The following FGF14 variants were observed in gnomAD, a reference collection of about 807,000 sequenced individuals.
The protein encoded by FGF14 is fibroblast growth factor homologous factor 4.
Under a neutral mutation model 25.5 loss-of-function variants are expected in FGF14, and 5 were observed. That is an observed-to-expected ratio of 0.20 (90% CI 0.10 to 0.41). The LOEUF is 0.41. Among genes scored for constraint, FGF14 ranks in the 10% least tolerant of loss-of-function variants. The pLI, the probability that FGF14 is intolerant of heterozygous loss-of-function variation, is 1.00. For missense variants in FGF14, 222 were observed against 320.1 expected (o/e 0.69, Z 2.34); for synonymous variants, 138 against 118.3 (o/e 1.17, Z -1.08).
Position 101,717,927 on chromosome 13 carries a change from T to C in FGF14, c.*4904A>G, listed in dbSNP as rs1468404153. The stretch of plus-strand genomic sequence containing the variant: ...ACAACAACTACAACAAAAGTGCTGC[T>C]CTTTTTCATAGTCTCATGTAAGAAG... On this transcript the variant is annotated 3_prime_UTR_variant, in exon 5 of 5. Coordinates refer to ENST00000376143, the MANE Select transcript of FGF14 (RefSeq NM_004115.4). 2 of 152,148 alleles carry C rather than the reference T, an allele frequency of 1.3e-5. No homozygotes were observed. The highest frequency in any genetic ancestry group is 4.8e-5 in the African/African-American group (2 of 41,438). 9.4% of individuals were successfully genotyped at this position (152,148 alleles called of 1,614,324 possible).
chr13:101,988,999 T>C (rs1238362536), intron 1 of FGF14, among the ~76,000 whole-genome samples: 2 of 152,064 alleles, frequency 1.3e-5, no homozygotes, highest in Non-Finnish European at 2.9e-5. Flanking sequence ...TCTGGAGGTG[T>C]CACAGTGAAT....
chr13:101,747,923 C>A (rs1283040883), intron 3 of FGF14, among the ~76,000 whole-genome samples: 1 of 152,016 alleles, frequency 6.6e-6, no homozygotes, highest in African/African-American at 2.4e-5. Context: ...GAGATATCAT[C>A]TTGCACCAGA....
In FGF14 at chr13:101,835,641, A is replaced by T. The variant is rs576176813; in HGVS notation, c.408+33084T>A. 1.7e-4 allele frequency among the ~76,000 whole-genome samples: 26 copies of T among 152,096 alleles called. 1 individual carries two copies. The highest frequency in any genetic ancestry group is 6.0e-4 in the African/African-American group (25 of 41,540). On this transcript the variant is annotated intron_variant, in intron 3 of 4. Transcript: ENST00000376143. The stretch of plus-strand genomic sequence containing the variant: ...TAACCCCCCTAAACAGGACATGTGG[A>T]GGGTCTGAGAAACCAGCTCTGCTCA...
At chr13:101,774,081 T>C (rs555143854) in intron 3 of FGF14, among the ~76,000 whole-genome samples, 3 of 152,176 alleles carry the variant, frequency 2.0e-5, no homozygotes, top group African/African-American at 7.2e-5. Context: ...TCCAAAGTGC[T>C]GTGGTAACAT....
intron 1 of FGF14, among the ~76,000 whole-genome samples, chr13:101,978,698 T>C (rs2139594022): frequency 6.6e-6 from 1 of 152,286 alleles, no homozygotes; most frequent in South Asian, 2.1e-4. Flanking sequence ...CAATGATAAT[T>C]CCAGTAAATG....
intron 1 of FGF14, among the ~76,000 whole-genome samples, chr13:102,121,581 A>G (rs553931924): frequency 9.6e-4 from 147 of 152,332 alleles, no homozygotes; most frequent in Non-Finnish European, 1.6e-3. Flanking sequence ...TTTGTTGCCA[A>G]TAACTATGTG....
At chr13:101,869,377 G>C (rs2044915581) in intron 2 of FGF14, among the ~76,000 whole-genome samples, 1 of 152,142 alleles carries the variant, frequency 6.6e-6, no homozygotes, top group Admixed American at 6.6e-5. Context: ...AATCAAAACT[G>C]AATGGCATGC....
chr13:102,311,848 G>A (rs2055783947), intron 1 of FGF14, among the ~76,000 whole-genome samples: 1 of 152,082 alleles, frequency 6.6e-6, no homozygotes, highest in South Asian at 2.1e-4. Context: ...GAATAAATAA[G>A]ACAACTTACC....
intron 3 of FGF14, chr13:101,779,080 T>C (rs2039328010): frequency 6.6e-6 from 1 of 152,212 alleles, no homozygotes; most frequent in African/African-American, 2.4e-5. Flanking sequence ...TCATAACATA[T>C]GCCCAGCAAA....
intron 3 of FGF14, among the ~76,000 whole-genome samples, chr13:101,867,501 G>T (rs2044774503): frequency 6.6e-6 from 1 of 152,010 alleles, no homozygotes; most frequent in South Asian, 2.1e-4. Flanking sequence ...ATATTACTTG[G>T]GAAGAAGATA....
intron 4 of FGF14, among the ~76,000 whole-genome samples, chr13:101,726,057 A>T (rs2035400577): frequency 6.6e-6 from 1 of 152,028 alleles, no homozygotes; most frequent in Non-Finnish European, 1.5e-5. Flanking sequence ...AAATGTATAC[A>T]GTGAAGAATT....
At chr13:101,765,751 C>T (rs757001201) in intron 3 of FGF14, among the ~76,000 whole-genome samples, 12 of 149,090 alleles carry the variant, frequency 8.0e-5, no homozygotes, top group South Asian at 2.1e-4. Context: ...TATTTTGAGA[C>T]GGAGTCTCGC....
intron 1 of FGF14, among the ~76,000 whole-genome samples, chr13:102,166,285 G>A (rs523110): frequency 0.7 from 107,010 of 151,818 alleles, 39,481 homozygotes; most frequent in African/African-American, 0.92. Flanking sequence ...TTTATATTTA[G>A]TTTTATTACT....
chr13:102,088,778 T>C (rs752572497), intron 1 of FGF14, among the ~76,000 whole-genome samples: 40 of 152,286 alleles, frequency 2.6e-4, no homozygotes, highest in South Asian at 6.2e-4. Flanking sequence ...GTTTGTGTCA[T>C]ACAAACTCAT....
intron 3 of FGF14, chr13:101,868,436 G>C (rs2140446317): frequency 3.1e-6 from 1 of 323,364 alleles, no homozygotes; most frequent in East Asian, 6.9e-5. Context: ...TCTAAGATAA[G>C]TGCATTTCTA....
intron 1 of FGF14, among the ~76,000 whole-genome samples, chr13:102,326,003 C>T (rs1594857042): frequency 6.6e-6 from 1 of 152,296 alleles, no homozygotes; most frequent in East Asian, 1.9e-4. Flanking sequence ...AATAGCCTAG[C>T]ACTTCTGATT....
intron 1 of FGF14, among the ~76,000 whole-genome samples, chr13:102,361,873 T>C (rs189914020): frequency 2.4e-4 from 36 of 152,076 alleles, no homozygotes; most frequent in Non-Finnish European, 2.8e-4. Context: ...TTTTTTTTAA[T>C]CTCTCAAATA....
chr13:102,317,268 C>G (rs2056068022), intron 1 of FGF14, among the ~76,000 whole-genome samples: 1 of 151,970 alleles, frequency 6.6e-6, no homozygotes, highest in African/African-American at 2.4e-5. Flanking sequence ...TAATTTGAAC[C>G]ATACATAAAC....
chr13:101,826,084 AT>A (rs1181038127), intron 3 of FGF14, among the ~76,000 whole-genome samples: 17 of 152,094 alleles, frequency 1.1e-4, no homozygotes, highest in African/African-American at 4.1e-4. Context: ...TTTATCTATC[AT>A]TTTAAGCCTC....
Sources: allele counts gnomAD v4.1 joint callset (sites outside exome capture counted in the v4.1 genomes callset), GRCh38; gene constraint gnomAD v4.1.1; transcripts MANE v1.5; gene names NCBI Gene and HGNC (gene_info 2026-07-23, HGNC 2026-07-21).